The following FBXL17 variants were observed in gnomAD, a reference collection of about 807,000 sequenced individuals.
FBXL17 encodes the protein F-box/LRR-repeat protein 17.
Under a neutral mutation model 66.2 loss-of-function variants are expected in FBXL17, and 22 were observed. The ratio of observed to expected loss-of-function variants is 0.33; its 90% CI spans 0.24 to 0.47. FBXL17 has a LOEUF of 0.47. Ranked by LOEUF, FBXL17 falls within the 20% of genes least tolerant of loss-of-function variation. FBXL17 has a pLI of 1.00. For missense variants in FBXL17, 878 were observed against 948.2 expected, an observed-to-expected ratio of 0.93 and a Z score of 0.97; for synonymous variants, 474 against 400.5, an observed-to-expected ratio of 1.18 and a Z score of -2.19.
intron 4 of FBXL17, among the ~76,000 whole-genome samples, chr5:108,235,108 A>G (rs1287099983): frequency 6.6e-6 from 1 of 152,224 alleles, no homozygotes; most frequent in African/African-American, 2.4e-5. Context: ...TTGGTGTACT[A>G]ATTCTAAAAA....
chr5:108,243,301 T>G (rs1220471287), intron 4 of FBXL17, among the ~76,000 whole-genome samples: 4 of 152,250 alleles, frequency 2.6e-5, no homozygotes, highest in South Asian at 2.1e-4. Context: ...TTGCTTTTAT[T>G]TATTGCAATT....
chr5:108,199,195 C>A (rs1753794640), intron 5 of FBXL17, among the ~76,000 whole-genome samples: 1 of 152,062 alleles, frequency 6.6e-6, no homozygotes, highest in African/African-American at 2.4e-5. Flanking sequence ...ACTTCTCACA[C>A]CAATACAAAA....
chr5:108,327,576 C>T (rs1759917435), intron 4 of FBXL17, among the ~76,000 whole-genome samples: 1 of 152,074 alleles, frequency 6.6e-6, no homozygotes, highest in Non-Finnish European at 1.5e-5. Flanking sequence ...GGATATGTTA[C>T]TAGGAGTAAA....
intron 6 of FBXL17, among the ~76,000 whole-genome samples, chr5:108,167,926 G>A (rs77165082): frequency 0.042 from 6,452 of 152,096 alleles, 779 homozygotes; most frequent in East Asian, 0.39. Context: ...GGTCAGAAAC[G>A]GAAAGACTCA....
rs543712907 is a variant in FBXL17 at position 107,864,171 on chromosome 5, A to G, written c.1966-2311T>C. Among the ~76,000 whole-genome samples, 3 of 152,266 alleles carry G rather than the reference A, an allele frequency of 2.0e-5. No individual in the cohort carries two copies. The South Asian group carries it at 6.2e-4, about 32-fold the overall frequency. Reference sequence around the variant, plus strand: ...GCACTGTGACTGATATAAAAAGCCCACCATACAGTAGCTCTCACTATTGAA... The same window carrying G: ...GCACTGTGACTGATATAAAAAGCCCGCCATACAGTAGCTCTCACTATTGAA... On this transcript the variant is annotated intron_variant, in intron 8 of 8. Coordinates refer to ENST00000542267, the MANE Select transcript of FBXL17 (RefSeq NM_001163315.3).
At chr5:108,028,933 A>G (rs1754929173) in intron 6 of FBXL17, among the ~76,000 whole-genome samples, 2 of 152,206 alleles carry the variant, frequency 1.3e-5, no homozygotes, top group African/African-American at 4.8e-5. Flanking sequence ...GTTATTTTAA[A>G]TGCAATGAAG....
At position 108,053,161 on chromosome 5, in the gene FBXL17, C is replaced by T. The variant is rs561463030; in HGVS notation, c.1746-32160G>A. Reference sequence around the variant, plus strand: ...TGGCAAAGACTTCAGGACAAAATGCCAAAAGCAACTGCAACAAAAGCCAAA... The same window carrying T: ...TGGCAAAGACTTCAGGACAAAATGCTAAAAGCAACTGCAACAAAAGCCAAA... On this transcript the variant is annotated intron_variant, in intron 6 of 8. Transcript: ENST00000542267. Among the ~76,000 whole-genome samples, 39 of 152,122 alleles carry T rather than the reference C, an allele frequency of 2.6e-4. 1 individual carries two copies. In the South Asian group the frequency reaches 7.9e-3, roughly 31 times the overall value.
intron 1 of FBXL17, among the ~76,000 whole-genome samples, chr5:108,370,630 T>C (rs7736626): frequency 6.6e-6 from 1 of 152,004 alleles, no homozygotes; most frequent in African/African-American, 2.4e-5. Context: ...GTAGTCCCAG[T>C]TACTCAGGAG....
At chr5:107,868,833 C>T (rs964315870) in intron 8 of FBXL17, among the ~76,000 whole-genome samples, 2 of 152,128 alleles carry the variant, frequency 1.3e-5, no homozygotes, top group African/African-American at 2.4e-5. Context: ...GCCTGTGTAC[C>T]ACATGCACAA....
intron 6 of FBXL17, among the ~76,000 whole-genome samples, chr5:108,055,309 A>AAAAAAAAAC (rs1561388295): frequency 1.8e-4 from 4 of 22,524 alleles, no homozygotes; most frequent in African/African-American, 7.5e-4. Context: ...AAAAAAAAAA[A>AAAAAAAAAC]AAAAGAAAAA....
intron 7 of FBXL17, among the ~76,000 whole-genome samples, chr5:108,013,037 A>AAT (rs1384376801): frequency 1.4e-5 from 2 of 140,822 alleles, no homozygotes; most frequent in African/African-American, 5.1e-5. Flanking sequence ...AAAAAAAAAA[A>AAT]AGTACCTATC....
At chr5:107,912,360 A>C (rs1390198943) in intron 7 of FBXL17, among the ~76,000 whole-genome samples, 1 of 152,152 alleles carries the variant, frequency 6.6e-6, no homozygotes, top group Non-Finnish European at 1.5e-5. Flanking sequence ...TGCTCGCTGC[A>C]CCCAAAGAAG....
chr5:108,294,160 C>A (rs1431781492), intron 4 of FBXL17, among the ~76,000 whole-genome samples: 1 of 141,108 alleles, frequency 7.1e-6, no homozygotes, highest in African/African-American at 2.6e-5. Context: ...TTATTTCTAA[C>A]ATAAGCATTC....
intron 6 of FBXL17, among the ~76,000 whole-genome samples, chr5:108,161,665 T>C (rs979121546): frequency 2.6e-5 from 4 of 152,198 alleles, no homozygotes; most frequent in Admixed American, 2.6e-4. Context: ...CAGGATTACT[T>C]TCTCATTAGG....
At chr5:108,347,388 G>A (rs994058617) in intron 4 of FBXL17, among the ~76,000 whole-genome samples, 13 of 152,072 alleles carry the variant, frequency 8.5e-5, no homozygotes, top group African/African-American at 1.7e-4. Context: ...CTGTATGTAC[G>A]CTATTTTTCA....
intron 7 of FBXL17, among the ~76,000 whole-genome samples, chr5:107,948,578 A>G (rs963259296): frequency 2.6e-5 from 4 of 152,230 alleles, no homozygotes; most frequent in African/African-American, 9.6e-5. Context: ...GAGAGTAAAC[A>G]GAGCTGTCTT....
chr5:108,154,697 ATATACATATATATGTG>A (rs1751927066), intron 6 of FBXL17, among the ~76,000 whole-genome samples: 12 of 146,634 alleles, frequency 8.2e-5, no homozygotes, highest in Admixed American at 2.1e-4. Context: ...ATATATATGT[ATATACATATATATGTG>A]TATATATATG....
intron 6 of FBXL17, among the ~76,000 whole-genome samples, chr5:108,173,176 T>C (rs2150018668): frequency 6.6e-6 from 1 of 152,228 alleles, no homozygotes; most frequent in East Asian, 1.9e-4. Flanking sequence ...GTAGCACTAC[T>C]AGAAAACATG....
chr5:108,222,672 C>CTTT lies in FBXL17; in HGVS notation c.1614+1446_1614+1448dup, dbSNP rs34291617. ...TCTAGCAATTTAGATACTATGGCATCTTTTTTTTTTTTTTTTTTTTGAGAC... is the reference window on the plus strand; with the variant it reads ...TCTAGCAATTTAGATACTATGGCATCTTTTTTTTTTTTTTTTTTTTTTTGAGAC... On this transcript the variant is annotated intron_variant, in intron 5 of 8. Transcript: ENST00000542267. Among the ~76,000 whole-genome samples, 108 of 117,370 alleles carry CTTT rather than the reference C, an allele frequency of 9.2e-4. 2 individuals carry two copies. The highest frequency in any genetic ancestry group is 1.0e-3 in the Non-Finnish European group (61 of 58,706). 77.0% of individuals were successfully genotyped at this position (117,370 alleles called of 152,430 possible).
Sources: gnomAD v4.1 joint callset for allele counts (sites outside exome capture counted in the v4.1 genomes callset) on GRCh38, gnomAD v4.1.1 for gene constraint, MANE v1.5 for transcripts, NCBI Gene and HGNC (gene_info 2026-07-23, HGNC 2026-07-21) for gene names.